EEPD1: variants seen among roughly 807,000 people sequenced by gnomAD.
EEPD1 encodes the protein endonuclease/exonuclease/phosphatase family domain-containing protein 1.
EEPD1 carries 17 observed loss-of-function variants against 46.3 expected under a neutral mutation model. The observed-to-expected ratio is 0.37, with a 90% confidence interval of 0.25 to 0.55. The LOEUF is 0.55. Among genes scored for constraint, EEPD1 ranks in the 20% least tolerant of loss-of-function variants. EEPD1 has a pLI of 0.83. For missense variants in EEPD1, 673 were observed against 745.6 expected, an observed-to-expected ratio of 0.90 and a Z score of 1.13; for synonymous variants, 313 against 315.6, an observed-to-expected ratio of 0.99 and a Z score of 0.09.
chr7:36,198,957 G>C (rs764267173), intron 2 of EEPD1, among the ~76,000 whole-genome samples: 1 of 151,686 alleles, frequency 6.6e-6, no homozygotes, highest in Non-Finnish European at 1.5e-5. Flanking sequence ...TACAGGGAGG[G>C]GTGGACCACC....
At chr7:36,207,341 A>G (rs1302965880) in intron 2 of EEPD1, among the ~76,000 whole-genome samples, 1 of 152,222 alleles carries the variant, frequency 6.6e-6, no homozygotes, top group African/African-American at 2.4e-5. Flanking sequence ...TTAGAAAAAT[A>G]CAGAATGAGG....
rs550895862 is a variant in EEPD1 at position 36,158,187 on chromosome 7, C to G, written c.878+2985C>G. 1.4e-4 allele frequency among the ~76,000 whole-genome samples: 22 copies of G among 152,326 alleles called. No homozygotes were observed. In the East Asian group the frequency reaches 2.5e-3, roughly 17 times the overall value. On this transcript the variant is annotated intron_variant, in intron 2 of 7. Coordinates refer to ENST00000242108, the MANE Select transcript of EEPD1 (RefSeq NM_030636.3). ...TAGATGACATGACTCTATCAGGCAG[C>G]TCCTTAGTGACTCAGCTGGGACTGC...
chr7:36,284,694 G>A lies in EEPD1; in HGVS notation c.1050G>A (p.Gly350=). The A allele has an allele frequency of 6.2e-7, 1 of 1,612,324 alleles. No individual in the cohort carries two copies. ...KPSSQLQKGA[G]YAGFLWDAAA... is the part of the protein sequence containing the mutation. The stretch of plus-strand genomic sequence containing the variant: ...CTCCCTCTCCGCTGCAGGGAGCTGG[G>A]TATGCAGGATTCCTATGGGACGCGG... The change falls in exon 5 of 8, where the codon GGG becomes GGA. Residue 350 remains glycine, a synonymous_variant. Coordinates refer to ENST00000242108, the MANE Select transcript of EEPD1 (RefSeq NM_030636.3).
Position 36,287,690 on chromosome 7 carries a change from C to T in EEPD1, c.1228C>T (p.Leu410Phe), listed in dbSNP as rs1787361532. Residue 410 changes from leucine (L) to phenylalanine (F), a missense_variant, in exon 6 of 8, where the codon CTC (leucine) becomes TTC (phenylalanine). Coordinates refer to ENST00000242108, the MANE Select transcript of EEPD1 (RefSeq NM_030636.3). ...TAACCTTCACCTGGCAGCCCTGACC[C>T]TCCTGGGGAGCGAGAATCCCAGCAA... ...LVNLHLAALTLLGSENPSKNH... is the reference protein window; with the variant it reads ...LVNLHLAALTFLGSENPSKNH... The T allele has an allele frequency of 1.9e-6, 3 of 1,614,092 alleles. No homozygotes were observed. The highest frequency in any genetic ancestry group is 2.5e-6 in the Non-Finnish European group (3 of 1,180,030).
At chr7:36,219,814 T>A (rs1283841739) in intron 2 of EEPD1, among the ~76,000 whole-genome samples, 25 of 122,580 alleles carry the variant, frequency 2.0e-4, no homozygotes, top group African/African-American at 3.9e-4. Flanking sequence ...AGAGTGTGTG[T>A]GTGTGTGTGT....
chr7:36,276,078 C>A (rs73686808), intron 3 of EEPD1, among the ~76,000 whole-genome samples: 1 of 152,206 alleles, frequency 6.6e-6, no homozygotes. Flanking sequence ...CAGAGTGACT[C>A]CATCTTGAAT....
At chr7:36,262,342 G>C (rs1786941303) in intron 3 of EEPD1, among the ~76,000 whole-genome samples, 1 of 152,056 alleles carries the variant, frequency 6.6e-6, no homozygotes, top group Non-Finnish European at 1.5e-5. Flanking sequence ...CTCAGTTTTT[G>C]CTTCTCAGAG....
intron 2 of EEPD1, 46 bp downstream of exon 2, chr7:36,155,248 T>G (rs373823956): frequency 6.7e-7 from 1 of 1,489,108 alleles, no homozygotes; most frequent in East Asian, 2.3e-5. Context: ...AGGCAACTTG[T>G]GCGTGACCTC....
chr7:36,196,868 C>T (rs1055696076), intron 2 of EEPD1, among the ~76,000 whole-genome samples: 5 of 150,902 alleles, frequency 3.3e-5, no homozygotes, highest in African/African-American at 7.3e-5. Flanking sequence ...TCTGCCTGGC[C>T]GCCCATCGTC....
chr7:36,260,999 A>G (rs545677369), intron 3 of EEPD1, among the ~76,000 whole-genome samples: 10 of 152,362 alleles, frequency 6.6e-5, no homozygotes, highest in African/African-American at 2.4e-4. Context: ...CAAATACTGT[A>G]CCATTTTATA....
chr7:36,178,120 G>A lies in EEPD1; in HGVS notation c.878+22918G>A, dbSNP rs540359898. On this transcript the variant is annotated intron_variant, in intron 2 of 7. Transcript: ENST00000242108. ...TCATCTTCTTCCCTGGAAAATGGAG[G>A]TGACAGTGTTCCTACCTCAGGAAAC... is the stretch of plus-strand genomic sequence containing the variant. Among the ~76,000 whole-genome samples the A allele has an allele frequency of 2.6e-5, 4 of 152,314 alleles. No individual in the cohort carries two copies. The East Asian group carries it at 7.7e-4, about 29-fold the overall frequency.
intron 7 of EEPD1, 106 bp downstream of exon 7, chr7:36,297,293 T>G (rs1787542894): frequency 7.7e-7 from 1 of 1,290,352 alleles, no homozygotes; most frequent in East Asian, 2.5e-5. Context: ...TACATAGGAT[T>G]GTGGTTTACG....
At chr7:36,192,648 C>G (rs12673715) in intron 2 of EEPD1, among the ~76,000 whole-genome samples, 1 of 152,240 alleles carries the variant, frequency 6.6e-6, no homozygotes, top group East Asian at 1.9e-4. Flanking sequence ...GTGTCTTACT[C>G]AACACACCTG....
At chr7:36,288,000 C>G (rs1787368055) in intron 6 of EEPD1, among the ~76,000 whole-genome samples, 1 of 152,158 alleles carries the variant, frequency 6.6e-6, no homozygotes, top group Non-Finnish European at 1.5e-5. Context: ...GCTGTCAGCT[C>G]TGTGGCTTTT....
Position 36,299,434 on chromosome 7 carries a change from G to A in EEPD1, c.*228G>A, listed in dbSNP as rs1787582204. 2 of 589,698 alleles carry A rather than the reference G, an allele frequency of 3.4e-6. No homozygotes were observed. The highest frequency in any genetic ancestry group is 4.2e-5 in the South Asian group (2 of 47,542). 36.5% of individuals were successfully genotyped at this position (589,698 alleles called of 1,614,324 possible). ...TGGGCAAAGCAGAAACCTGCGGGGA[G>A]CGGAGACGCCTTTTATCTCTGGATG... On this transcript the variant is annotated 3_prime_UTR_variant, in exon 8 of 8. Coordinates refer to ENST00000242108, the MANE Select transcript of EEPD1 (RefSeq NM_030636.3).
intron 2 of EEPD1, among the ~76,000 whole-genome samples, chr7:36,217,790 G>A (rs1293782001): frequency 1.3e-5 from 2 of 152,162 alleles, no homozygotes; most frequent in Admixed American, 1.3e-4. Flanking sequence ...GAGGCCATGG[G>A]CTCTAACAAA....
intron 2 of EEPD1, among the ~76,000 whole-genome samples, chr7:36,167,969 A>G (rs562756443): frequency 7.9e-5 from 12 of 152,228 alleles, no homozygotes; most frequent in Admixed American, 4.6e-4. Flanking sequence ...GAAGGGCGAG[A>G]TTCAGAGTGA....
At chr7:36,233,959 C>A (rs1786381994) in intron 2 of EEPD1, among the ~76,000 whole-genome samples, 1 of 152,180 alleles carries the variant, frequency 6.6e-6, no homozygotes, top group African/African-American at 2.4e-5. Flanking sequence ...CGCTCTGTCA[C>A]CCAGGCTGGA....
chr7:36,158,944 C>G (rs914655067), intron 2 of EEPD1, among the ~76,000 whole-genome samples: 2 of 152,170 alleles, frequency 1.3e-5, no homozygotes, highest in African/African-American at 4.8e-5. Flanking sequence ...TCCCTGTGGC[C>G]TACATAAGAA....
Sources: gnomAD v4.1 joint callset for allele counts (sites outside exome capture counted in the v4.1 genomes callset) on GRCh38, gnomAD v4.1.1 for gene constraint, MANE v1.5 for transcripts, NCBI Gene and HGNC (gene_info 2026-07-23, HGNC 2026-07-21) for gene names.